Variants in ADGB observed in about 807,000 individuals in gnomAD.
ADGB encodes the protein calpain-7-like protein.
ADGB carries 172 observed loss-of-function variants against 210.5 expected under a neutral mutation model. The observed-to-expected ratio is 0.82, with a 90% CI of 0.72 to 0.93. The LOEUF is 0.93. ADGB is among the 40% of genes least tolerant of loss of function. ADGB has a pLI of 0.00. For missense variants in ADGB, 2,025 were observed against 1,964.8 expected (o/e 1.03, Z -0.58); for synonymous variants, 658 against 662.7 (o/e 0.99, Z 0.11).
In ADGB at chr6:146,616,111, C is replaced by T. The variant is rs547866561; in HGVS notation, c.74+16997C>T. Among the ~76,000 whole-genome samples the T allele has an allele frequency of 2.6e-5, 4 of 152,102 alleles. No individual in the cohort carries two copies. The South Asian group carries it at 8.3e-4, about 32-fold the overall frequency. On this transcript the variant is annotated intron_variant, in intron 1 of 35. Coordinates refer to ENST00000397944, the MANE Select transcript of ADGB (RefSeq NM_024694.4). ...TCTTTTTGATAACAGTCATTTTTAA[C>T]TGAGGGTGTAATGGTGTCTTCTTGT... is the stretch of plus-strand genomic sequence containing the variant.
chr6:146,760,031 TG>T (rs1195943702), intron 27 of ADGB, among the ~76,000 whole-genome samples: 6 of 151,896 alleles, frequency 4.0e-5, no homozygotes, highest in African/African-American at 7.2e-5. Flanking sequence ...GTGTTTCTAA[TG>T]TTTTTGTAAA....
intron 13 of ADGB, among the ~76,000 whole-genome samples, chr6:146,709,815 T>A (rs1776634138): frequency 6.6e-6 from 1 of 152,194 alleles, no homozygotes; most frequent in Non-Finnish European, 1.5e-5. Flanking sequence ...ATGTGTGTGA[T>A]GCAAAACTGT....
intron 16 of ADGB, among the ~76,000 whole-genome samples, chr6:146,719,438 T>TG (rs1385653279): frequency 1.5e-5 from 1 of 65,872 alleles, no homozygotes; most frequent in African/African-American, 7.7e-5. Flanking sequence ...TTTCCCTGAA[T>TG]TTTTTTTAAT....
chr6:146,611,395 A>G (rs200861704), intron 1 of ADGB, among the ~76,000 whole-genome samples: 1 of 151,930 alleles, frequency 6.6e-6, no homozygotes, highest in African/African-American at 2.4e-5. Flanking sequence ...CACTGCAGCC[A>G]TTCCTGTGCC....
At chr6:146,780,763 C>T (rs1777787074) in intron 29 of ADGB, among the ~76,000 whole-genome samples, 1 of 151,736 alleles carries the variant, frequency 6.6e-6, no homozygotes, top group African/African-American at 2.4e-5. Flanking sequence ...ACTTTAATAC[C>T]CCAATTTTAA....
At chr6:146,747,061 T>G (rs1326769060) in intron 26 of ADGB, among the ~76,000 whole-genome samples, 1 of 152,176 alleles carries the variant, frequency 6.6e-6, no homozygotes, top group African/African-American at 2.4e-5. Flanking sequence ...ACATATCAAA[T>G]TTTATCTAGT....
intron 1 of ADGB, among the ~76,000 whole-genome samples, chr6:146,605,170 C>A (rs974946810): frequency 2.0e-5 from 3 of 152,092 alleles, no homozygotes; most frequent in Non-Finnish European, 2.9e-5. Context: ...TATAATTTGA[C>A]AATTGCATGG....
Position 146,675,785 on chromosome 6 carries a change from C to T in ADGB, c.1088-528C>T, listed in dbSNP as rs80048140. Reference sequence around the variant, plus strand: ...CAAATGGTGGGAATCGTTCTGGATACAAGAGTTTTATTACCTAAGCCATGT... The same window carrying T: ...CAAATGGTGGGAATCGTTCTGGATATAAGAGTTTTATTACCTAAGCCATGT... On this transcript the variant is annotated intron_variant, in intron 8 of 35. Coordinates refer to ENST00000397944, the MANE Select transcript of ADGB (RefSeq NM_024694.4). Among the ~76,000 whole-genome samples, 574 of 152,164 alleles carry T rather than the reference C, an allele frequency of 3.8e-3. 1 individual carries two copies. The highest frequency in any genetic ancestry group is 0.013 in the African/African-American group (525 of 41,530).
intron 1 of ADGB, among the ~76,000 whole-genome samples, chr6:146,609,237 C>T (rs1288829685): frequency 6.6e-6 from 1 of 152,088 alleles, no homozygotes; most frequent in Non-Finnish European, 1.5e-5. Context: ...TTTCTCCATC[C>T]CTTTACTTTG....
intron 33 of ADGB, among the ~76,000 whole-genome samples, chr6:146,795,910 C>T (rs1417095844): frequency 1.3e-5 from 2 of 152,030 alleles, no homozygotes; most frequent in African/African-American, 2.4e-5. Flanking sequence ...AAGTCAAACT[C>T]GCTGTTTGCT....
In ADGB at chr6:146,784,803, A is replaced by G. The variant is rs1222570640; in HGVS notation, c.4212+9A>G. The G allele has an allele frequency of 7.1e-6, 11 of 1,538,614 alleles. No homozygotes were observed. Among genetic ancestry groups the G allele is most frequent in the Non-Finnish European group, 9.6e-6 (11 of 1,142,226 alleles). ...CAGGAAGAGCAATCAAGGTCACCTG[A>G]TTTCGAAAAGCTGTCATCTTTTACT... On this transcript the variant is annotated intron_variant, in intron 31 of 35. Coordinates refer to ENST00000397944, the MANE Select transcript of ADGB (RefSeq NM_024694.4).
chr6:146,791,285 TCTC>T (rs1777951581), intron 33 of ADGB, among the ~76,000 whole-genome samples: 1 of 152,206 alleles, frequency 6.6e-6, no homozygotes, highest in African/African-American at 2.4e-5. Flanking sequence ...ATGGGCTGTT[TCTC>T]CTGTTTTTCT....
chr6:146,784,480 G>A (rs374787591), intron 30 of ADGB, 138 bp from the exon 31 acceptor site: 19 of 703,832 alleles, frequency 2.7e-5, no homozygotes, highest in Admixed American at 7.7e-5. Context: ...GAACATTTTC[G>A]TACAAGTCTT....
chr6:146,613,070 T>C (rs1473281068), intron 1 of ADGB, among the ~76,000 whole-genome samples: 1 of 152,230 alleles, frequency 6.6e-6, no homozygotes, highest in Non-Finnish European at 1.5e-5. Context: ...ATAAGCCCCT[T>C]CATTTGTGCC....
At chr6:146,701,162 G>A (rs1349375105) in intron 13 of ADGB, 92 bp downstream of exon 13, 1 of 1,338,036 alleles carries the variant, frequency 7.5e-7, no homozygotes, top group African/African-American at 1.5e-5. Flanking sequence ...ACAAAAGAAT[G>A]TATAACATGG....
intron 29 of ADGB, among the ~76,000 whole-genome samples, chr6:146,774,869 C>A (rs1777698893): frequency 6.6e-6 from 1 of 152,114 alleles, no homozygotes. Context: ...TCCTCCTGGG[C>A]TGAAGGGATT....
At chr6:146,677,343 C>T (rs1331619803) in intron 9 of ADGB, among the ~76,000 whole-genome samples, 1 of 151,970 alleles carries the variant, frequency 6.6e-6, no homozygotes, top group Non-Finnish European at 1.5e-5. Context: ...CCTTTATTAG[C>T]TAGTCAAAAA....
chr6:146,764,861 G>A (rs1446615586), intron 28 of ADGB, among the ~76,000 whole-genome samples: 1 of 152,088 alleles, frequency 6.6e-6, no homozygotes, highest in Non-Finnish European at 1.5e-5. Context: ...GTGCAATGGC[G>A]TGATCTCGGC....
At chr6:146,608,342 C>T (rs1780659867) in intron 1 of ADGB, among the ~76,000 whole-genome samples, 1 of 151,584 alleles carries the variant, frequency 6.6e-6, no homozygotes, top group Admixed American at 6.6e-5. Flanking sequence ...TTTTGTTGAT[C>T]TCTTGTATGG....
Sources: gnomAD v4.1 joint callset for allele counts (sites outside exome capture counted in the v4.1 genomes callset) on GRCh38, gnomAD v4.1.1 for gene constraint, MANE v1.5 for transcripts, NCBI Gene and HGNC (gene_info 2026-07-23, HGNC 2026-07-21) for gene names.